TBC1D1: variants seen among roughly 807,000 people sequenced by gnomAD.
TBC1D1 encodes TBC1 domain family member 1.
In TBC1D1, 89 loss-of-function variants were observed where a neutral mutation model predicts 125.6. That is an observed-to-expected ratio of 0.71 (90% CI 0.60 to 0.85). TBC1D1 has a LOEUF of 0.85. Among genes scored for constraint, TBC1D1 ranks in the 40% least tolerant of loss-of-function variants. The pLI is 0.00. For missense variants in TBC1D1, 1,377 were observed against 1,469.2 expected (o/e 0.94, Z 1.03); for synonymous variants, 565 against 564.1 (o/e 1.00, Z -0.02).
At chr4:37,934,025 G>A (rs1314858410) in intron 2 of TBC1D1, among the ~76,000 whole-genome samples, 1 of 152,216 alleles carries the variant, frequency 6.6e-6, no homozygotes, top group East Asian at 1.9e-4. Flanking sequence ...CATATGTTCA[G>A]GATAAATAAA....
intron 12 of TBC1D1, among the ~76,000 whole-genome samples, chr4:38,087,848 AAAAAAAAAAAAAAAG>A (rs976361130): frequency 1.3e-4 from 15 of 112,364 alleles, no homozygotes; most frequent in African/African-American, 3.4e-4. Flanking sequence ...TCCGTCTCAA[AAAAAAAAAAAAAAAG>A]AAAAAAAAAA....
At chr4:38,028,311 G>A (rs1301573397) in intron 7 of TBC1D1, among the ~76,000 whole-genome samples, 1 of 152,130 alleles carries the variant, frequency 6.6e-6, no homozygotes, top group Non-Finnish European at 1.5e-5. Flanking sequence ...GATTACAGGA[G>A]CACGCCACCA....
intron 1 of TBC1D1, among the ~76,000 whole-genome samples, chr4:37,895,317 C>T (rs1307077310): frequency 6.6e-6 from 1 of 152,160 alleles, no homozygotes; most frequent in Non-Finnish European, 1.5e-5. Flanking sequence ...TATACATAAT[C>T]TCTGAGGGCC....
intron 2 of TBC1D1, among the ~76,000 whole-genome samples, chr4:38,006,092 G>A (rs990999083): frequency 6.6e-6 from 1 of 152,196 alleles, no homozygotes; most frequent in Admixed American, 6.5e-5. Context: ...ATTCAAACAT[G>A]AATTGCAGTT....
intron 8 of TBC1D1, 38 bp from the exon 9 acceptor site, chr4:38,044,324 G>A: frequency 6.3e-7 from 1 of 1,577,644 alleles, no homozygotes; most frequent in Middle Eastern, 1.7e-4. Flanking sequence ...AAGCAGAGAA[G>A]GGAGCGATAA....
intron 2 of TBC1D1, among the ~76,000 whole-genome samples, chr4:37,954,535 G>T (rs1728526503): frequency 6.6e-6 from 1 of 152,164 alleles, no homozygotes; most frequent in Admixed American, 6.5e-5. Flanking sequence ...TTATTAGGTA[G>T]AATTAATATC....
At chr4:37,968,413 G>A (rs531962294) in intron 2 of TBC1D1, among the ~76,000 whole-genome samples, 5 of 152,184 alleles carry the variant, frequency 3.3e-5, no homozygotes, top group South Asian at 2.1e-4. Context: ...GGCTGGGGCC[G>A]CTAAAAATGT....
chr4:38,123,204 T>C (rs1764135916), intron 17 of TBC1D1, among the ~76,000 whole-genome samples: 1 of 152,210 alleles, frequency 6.6e-6, no homozygotes, highest in Admixed American at 6.5e-5. Flanking sequence ...AGGGAAAGCC[T>C]TTCCCCAGGA....
intron 2 of TBC1D1, among the ~76,000 whole-genome samples, chr4:37,988,979 A>G (rs762977067): frequency 6.6e-6 from 1 of 152,360 alleles, no homozygotes; most frequent in African/African-American, 2.4e-5. Flanking sequence ...ATCACTTGAC[A>G]TAGCAGGCCC....
At chr4:38,118,362 C>A in intron 17 of TBC1D1, 170 bp downstream of exon 19, 2 of 698,042 alleles carry the variant, frequency 2.9e-6, no homozygotes, top group Non-Finnish European at 2.3e-6. Context: ...CTTTGGAGTC[C>A]TCCTTAACTT....
At chr4:38,121,419 G>C (rs1215920923) in intron 17 of TBC1D1, among the ~76,000 whole-genome samples, 4 of 152,204 alleles carry the variant, frequency 2.6e-5, no homozygotes, top group Non-Finnish European at 5.9e-5. Flanking sequence ...CCTTTGTGTT[G>C]TTCCCAGCGA....
chr4:37,931,724 C>T (rs1378688253), intron 2 of TBC1D1, among the ~76,000 whole-genome samples: 1 of 152,162 alleles, frequency 6.6e-6, no homozygotes, highest in Non-Finnish European at 1.5e-5. Flanking sequence ...GATCCACCCG[C>T]CTTGGCCTCC....
At chr4:38,098,967 A>T (rs1031223702) in intron 14 of TBC1D1, among the ~76,000 whole-genome samples, 1 of 152,222 alleles carries the variant, frequency 6.6e-6, no homozygotes, top group East Asian at 1.9e-4. Flanking sequence ...GACATTATAG[A>T]TAATTCAGTT....
At position 37,977,257 on chromosome 4, in the gene TBC1D1, C is replaced by A. The variant is rs1391822645; in HGVS notation, c.418-37252C>A. The A allele has an allele frequency of 1.4e-4, 21 of 148,520 alleles. No homozygotes were observed. The highest frequency in any genetic ancestry group is 4.9e-4 in the African/African-American group (20 of 40,462). 9.2% of individuals were successfully genotyped at this position (148,520 alleles called of 1,614,324 possible). Reference sequence around the variant, plus strand: ...CTCCCCTCCTCTCCCCTCCTCCCCCCGCCCACCCCCTCCCCGCGCTCTCCC... The same window carrying A: ...CTCCCCTCCTCTCCCCTCCTCCCCCAGCCCACCCCCTCCCCGCGCTCTCCC... On this transcript the variant is annotated intron_variant, in intron 2 of 19. Transcript: ENST00000261439. This position sits in a 1 kb window ranked among gnomAD's most constrained non-coding sequence, Gnocchi z 4.3.
intron 2 of TBC1D1, among the ~76,000 whole-genome samples, chr4:37,947,568 C>G (rs894515271): frequency 3.3e-5 from 5 of 152,188 alleles, no homozygotes; most frequent in African/African-American, 1.2e-4. Flanking sequence ...TCAAGCAATC[C>G]TCCTGTCCCA....
At chr4:37,921,016 G>A (rs1236485187) in intron 2 of TBC1D1, among the ~76,000 whole-genome samples, 2 of 151,398 alleles carry the variant, frequency 1.3e-5, no homozygotes, top group African/African-American at 2.4e-5. Flanking sequence ...AGGCTGAGGC[G>A]GGAGAATGGC....
At chr4:38,119,654 C>T (rs527363454) in intron 17 of TBC1D1, among the ~76,000 whole-genome samples, 1 of 152,306 alleles carries the variant, frequency 6.6e-6, no homozygotes, top group East Asian at 1.9e-4. Context: ...ACTTCTCTAA[C>T]ACTGGAAATT....
chr4:37,960,933 G>T lies in TBC1D1; in HGVS notation c.418-53576G>T, dbSNP rs1406746508. The T allele has an allele frequency of 1.2e-6, 2 of 1,614,150 alleles. No homozygotes were observed. The highest frequency in any genetic ancestry group is 8.5e-7 in the Non-Finnish European group (1 of 1,180,038). On this transcript the variant is annotated intron_variant, in intron 2 of 19. Coordinates refer to ENST00000261439, the MANE Select transcript of TBC1D1 (RefSeq NM_015173.4). The stretch of plus-strand genomic sequence containing the variant: ...GTTTCAGCTGGGCCCCCCTTCACCT[G>T]TGAAAATGCCCTCTCCACCATGGGA...
chr4:38,025,343 A>C (rs1265712853), intron 6 of TBC1D1, among the ~76,000 whole-genome samples: 1 of 152,218 alleles, frequency 6.6e-6, no homozygotes, highest in Non-Finnish European at 1.5e-5. Flanking sequence ...AGATGCGTTC[A>C]GTGGGGAACT....
Sources: allele counts gnomAD v4.1 joint callset (sites outside exome capture counted in the v4.1 genomes callset), GRCh38; gene constraint gnomAD v4.1.1; non-coding constraint Gnocchi (gnomAD v3.1); transcripts MANE v1.5; gene names NCBI Gene and HGNC (gene_info 2026-07-23, HGNC 2026-07-21).